FOXP1: variants seen among roughly 807,000 people sequenced by gnomAD.
FOXP1 encodes the protein forkhead box P1.
A neutral mutation model predicts 98.2 loss-of-function variants in FOXP1; 15 were observed. The ratio of observed to expected loss-of-function variants is 0.15; its 90% CI spans 0.10 to 0.24. The LOEUF (loss-of-function observed/expected upper bound fraction) is 0.24. Among genes scored for constraint, FOXP1 ranks in the 10% least tolerant of loss-of-function variants. FOXP1 has a pLI of 1.00. For missense variants in FOXP1, 633 were observed against 848.5 expected, an observed-to-expected ratio of 0.75 and a Z score of 3.15; for synonymous variants, 371 against 314.5, an observed-to-expected ratio of 1.18 and a Z score of -1.90.
rs561743516 is a variant in FOXP1 at position 71,310,856 on chromosome 3, T to C, written c.-72-10976A>G. On this transcript the variant is annotated intron_variant, in intron 4 of 20. Transcript: ENST00000649528. ...CCTACCAGGCCTAGGTTAACACAGCTGGAGCCAGATGACAGGCTCTCAAAG... is the reference window on the plus strand; with the variant it reads ...CCTACCAGGCCTAGGTTAACACAGCCGGAGCCAGATGACAGGCTCTCAAAG... Among the ~76,000 whole-genome samples, 7 of 152,348 alleles carry C rather than the reference T, an allele frequency of 4.6e-5. No homozygotes were observed. In the South Asian group the frequency reaches 1.4e-3, roughly 32 times the overall value.
chr3:71,498,711 G>A (rs908057918), intron 2 of FOXP1, among the ~76,000 whole-genome samples: 4 of 152,162 alleles, frequency 2.6e-5, no homozygotes, highest in Non-Finnish European at 4.4e-5. Flanking sequence ...ATCATATGCT[G>A]AGCCTCCAGC....
intron 5 of FOXP1, among the ~76,000 whole-genome samples, chr3:71,257,376 G>A (rs963081323): frequency 1.3e-5 from 2 of 151,932 alleles, no homozygotes; most frequent in Non-Finnish European, 2.9e-5. Context: ...CAGAAGTTTC[G>A]AGACCAGCCT....
At chr3:71,231,772 G>C (rs755095398) in intron 5 of FOXP1, among the ~76,000 whole-genome samples, 1 of 152,212 alleles carries the variant, frequency 6.6e-6, no homozygotes, top group Non-Finnish European at 1.5e-5. Flanking sequence ...AATTCTGGTA[G>C]ATTCAACTAG....
chr3:71,347,705 G>A (rs1031469008), intron 4 of FOXP1, among the ~76,000 whole-genome samples: 2 of 152,052 alleles, frequency 1.3e-5, no homozygotes, highest in African/African-American at 4.8e-5. Flanking sequence ...GACCAACATA[G>A]AGAAACCCCG....
chr3:71,174,826 A>ACAC (rs1050762895), intron 6 of FOXP1, among the ~76,000 whole-genome samples: 1 of 147,228 alleles, frequency 6.8e-6, no homozygotes, highest in African/African-American at 2.6e-5. Context: ...ACACACACAC[A>ACAC]CCCCAATATA....
intron 5 of FOXP1, among the ~76,000 whole-genome samples, chr3:71,256,107 A>G (rs1176205856): frequency 1.3e-5 from 2 of 152,194 alleles, no homozygotes; most frequent in Non-Finnish European, 2.9e-5. Context: ...ATCTTTCCCA[A>G]TGACGTAAAT....
chr3:71,026,709 A>T (rs1306715150), intron 11 of FOXP1, among the ~76,000 whole-genome samples: 1 of 152,088 alleles, frequency 6.6e-6, no homozygotes, highest in Admixed American at 6.6e-5. Flanking sequence ...CCATGTCACC[A>T]ATCTCCCCTA....
At chr3:70,988,151 T>C in intron 13 of FOXP1, 74 bp from the exon 14 acceptor site, 1 of 1,263,982 alleles carries the variant, frequency 7.9e-7, no homozygotes, top group Non-Finnish European at 1.2e-6. Context: ...ATGATACATA[T>C]TACAAATTAC....
intron 20 of FOXP1, among the ~76,000 whole-genome samples, chr3:70,963,262 G>A (rs1301992658): frequency 6.6e-6 from 1 of 152,172 alleles, no homozygotes; most frequent in Non-Finnish European, 1.5e-5. Context: ...GTGACCACCT[G>A]ATGACACAAC....
intron 4 of FOXP1, among the ~76,000 whole-genome samples, chr3:71,330,390 A>G (rs982942593): frequency 2.4e-4 from 36 of 152,334 alleles, no homozygotes; most frequent in African/African-American, 8.7e-4. Context: ...TCATATAATT[A>G]AAGCGTCATG....
intron 11 of FOXP1, among the ~76,000 whole-genome samples, chr3:71,029,919 T>C (rs1443845301): frequency 6.6e-6 from 1 of 152,228 alleles, no homozygotes; most frequent in Non-Finnish European, 1.5e-5. Context: ...TAAATAGCTT[T>C]AATAATAATT....
chr3:71,538,350 C>T (rs1462408404), intron 2 of FOXP1, among the ~76,000 whole-genome samples: 2 of 152,220 alleles, frequency 1.3e-5, no homozygotes, highest in African/African-American at 2.4e-5. Flanking sequence ...CTCCCTGCAA[C>T]TACAAATCTA....
intron 4 of FOXP1, among the ~76,000 whole-genome samples, chr3:71,345,395 TATACACACACAC>T (rs1157764499): frequency 1.6e-4 from 8 of 50,308 alleles, no homozygotes; most frequent in African/African-American, 3.6e-4. Flanking sequence ...CTCAAATATA[TATACACACACAC>T]ACACACACAC....
At chr3:71,224,970 T>G (rs1280700314) in intron 5 of FOXP1, among the ~76,000 whole-genome samples, 1 of 152,188 alleles carries the variant, frequency 6.6e-6, no homozygotes, top group Non-Finnish European at 1.5e-5. Context: ...AGTGCCTAAG[T>G]GGATGAATGA....
intron 3 of FOXP1, among the ~76,000 whole-genome samples, chr3:71,486,278 A>G (rs2090642261): frequency 6.6e-6 from 1 of 152,074 alleles, no homozygotes; most frequent in Non-Finnish European, 1.5e-5. Context: ...GAACCAACAT[A>G]GGAAAAGTAA....
At chr3:71,578,647 T>C (rs1365556249) in intron 2 of FOXP1, among the ~76,000 whole-genome samples, 1 of 152,294 alleles carries the variant, frequency 6.6e-6, no homozygotes, top group Non-Finnish European at 1.5e-5. Flanking sequence ...TCTGCTATAT[T>C]CCTTCTCTTT....
At chr3:70,961,492 A>G (rs954995737) in intron 20 of FOXP1, among the ~76,000 whole-genome samples, 1 of 152,126 alleles carries the variant, frequency 6.6e-6, no homozygotes, top group Non-Finnish European at 1.5e-5. Context: ...TGGCCTCCCA[A>G]ACTGCTGGGA....
At chr3:71,371,912 G>T (rs994711509) in intron 3 of FOXP1, among the ~76,000 whole-genome samples, 3 of 152,030 alleles carry the variant, frequency 2.0e-5, no homozygotes, top group African/African-American at 7.2e-5. Flanking sequence ...CACCACACTC[G>T]GCTTATTCCT....
chr3:71,316,878 T>G (rs1288689), intron 4 of FOXP1, among the ~76,000 whole-genome samples: 146,293 of 152,056 alleles, frequency 0.96, 70,645 homozygotes, highest in East Asian at 1. Context: ...GGATGGTCTC[T>G]ATTTCCTAAC....
Sources: allele counts gnomAD v4.1 joint callset (sites outside exome capture counted in the v4.1 genomes callset), GRCh38; gene constraint gnomAD v4.1.1; transcripts MANE v1.5; gene names NCBI Gene and HGNC (gene_info 2026-07-23, HGNC 2026-07-21).